The following PKIA variants were observed in gnomAD, a reference collection of about 807,000 sequenced individuals.
PKIA encodes the protein PKI-alpha.
Under a neutral mutation model 7.6 loss-of-function variants are expected in PKIA, and 4 were observed. The ratio of observed to expected loss-of-function variants is 0.52; its 90% CI spans 0.26 to 1.20. The LOEUF (loss-of-function observed/expected upper bound fraction) is 1.20, where lower values mean the gene tolerates loss of function less well. Ranked by LOEUF, PKIA falls within the 50% of genes most tolerant of loss-of-function variation. The pLI is 0.13. For synonymous variants in PKIA, 21 were observed against 30.7 expected (o/e 0.68, Z 1.04); for missense variants, 73 against 86.2 (o/e 0.85, Z 0.61).
At chr8:78,538,293 C>G (rs566814410) in intron 1 of PKIA, among the ~76,000 whole-genome samples, 44 of 152,160 alleles carry the variant, frequency 2.9e-4, no homozygotes, top group African/African-American at 1.0e-3. Context: ...AACAACAACC[C>G]ACCTTATTTC....
At chr8:78,520,275 A>C (rs770924507) in intron 1 of PKIA, among the ~76,000 whole-genome samples, 3 of 152,224 alleles carry the variant, frequency 2.0e-5, no homozygotes, top group Non-Finnish European at 4.4e-5. Context: ...CTGAGAGTAC[A>C]TTCAAATCAT....
chr8:78,586,163 C>T (rs1408577786), intron 2 of PKIA, among the ~76,000 whole-genome samples: 1 of 152,116 alleles, frequency 6.6e-6, no homozygotes, highest in South Asian at 2.1e-4. Context: ...TCATTATGAG[C>T]AGGGCCATTT....
chr8:78,546,418 T>C (rs965486885), intron 1 of PKIA, among the ~76,000 whole-genome samples: 37 of 152,222 alleles, frequency 2.4e-4, no homozygotes, highest in Admixed American at 6.5e-4. Flanking sequence ...TGGCATTTTT[T>C]GTTTCATGTA....
At chr8:78,529,238 C>CT (rs1806333789) in intron 1 of PKIA, among the ~76,000 whole-genome samples, 2 of 152,002 alleles carry the variant, frequency 1.3e-5, no homozygotes, top group Non-Finnish European at 2.9e-5. Context: ...CTGCTACTTC[C>CT]TTTTTTTGCA....
intron 1 of PKIA, among the ~76,000 whole-genome samples, chr8:78,551,392 C>T (rs944734235): frequency 2.0e-5 from 3 of 151,976 alleles, no homozygotes; most frequent in African/African-American, 7.2e-5. Context: ...AAAAGTATTA[C>T]AGGCTCCACT....
intron 2 of PKIA, among the ~76,000 whole-genome samples, chr8:78,580,993 G>A (rs34260348): frequency 0.18 from 27,289 of 151,932 alleles, 2,865 homozygotes; most frequent in African/African-American, 0.29. Context: ...CATAAATCCC[G>A]TAGCTCAGTC....
intron 2 of PKIA, among the ~76,000 whole-genome samples, chr8:78,582,177 T>G (rs1300489570): frequency 6.6e-6 from 1 of 151,872 alleles, no homozygotes; most frequent in Non-Finnish European, 1.5e-5. Flanking sequence ...TTTCGTGTTT[T>G]TTTTTTTTTT....
chr8:78,556,692 T>C (rs1366279349), intron 1 of PKIA: 1 of 152,168 alleles, frequency 6.6e-6, no homozygotes, highest in African/African-American at 2.4e-5. Flanking sequence ...GAACTTTGTT[T>C]GAGTTTTACA....
intron 1 of PKIA, among the ~76,000 whole-genome samples, chr8:78,521,591 CT>C (rs150930015): frequency 6.6e-6 from 1 of 151,686 alleles, no homozygotes; most frequent in African/African-American, 2.4e-5. Flanking sequence ...TCCCAAATAC[CT>C]TTTTTTGTAC....
At chr8:78,595,332 T>C (rs948741397) in intron 2 of PKIA, among the ~76,000 whole-genome samples, 6 of 152,002 alleles carry the variant, frequency 3.9e-5, no homozygotes, top group African/African-American at 1.4e-4. Flanking sequence ...GTTCATTGAG[T>C]ATAAGAGGAA....
chr8:78,538,227 G>T (rs1349475515), intron 1 of PKIA, among the ~76,000 whole-genome samples: 1 of 151,952 alleles, frequency 6.6e-6, no homozygotes, highest in Admixed American at 6.6e-5. Flanking sequence ...GCTATTTCTG[G>T]CATCAAAAGC....
At chr8:78,575,196 T>G (rs990457587) in intron 2 of PKIA, among the ~76,000 whole-genome samples, 1 of 152,024 alleles carries the variant, frequency 6.6e-6, no homozygotes, top group South Asian at 2.1e-4. Flanking sequence ...AATAAACTCT[T>G]GCAAACACAC....
chr8:78,602,714 T>TATATATATATATATA lies in PKIA; in HGVS notation c.*893_*894insATATATATATATATA, dbSNP rs1563597495. 3 of 147,982 alleles carry TATATATATATATATA rather than the reference T, an allele frequency of 2.0e-5. No individual in the cohort carries two copies. The highest frequency in any genetic ancestry group is 3.0e-5 in the Non-Finnish European group (2 of 67,114). The allele number at this position is 147,982 out of a possible 1,614,324, so 9.2% of individuals were successfully genotyped here. On this transcript the variant is annotated 3_prime_UTR_variant, in exon 4 of 4. Transcript: ENST00000396418. ...CACATAATATATATATATATATATA[T>TATATATATATATATA]TTTAATTTATGAGAATTTTGGACAA...
chr8:78,568,341 C>T (rs1359104819), intron 1 of PKIA, among the ~76,000 whole-genome samples: 1 of 152,076 alleles, frequency 6.6e-6, no homozygotes, highest in Non-Finnish European at 1.5e-5. Flanking sequence ...ATCGTAATAA[C>T]CTTGTGAACC....
chr8:78,593,749 G>A (rs1261745557), intron 2 of PKIA, among the ~76,000 whole-genome samples: 1 of 146,844 alleles, frequency 6.8e-6, no homozygotes, highest in African/African-American at 2.7e-5. Context: ...GCAGACTTAA[G>A]TTCCAAGTAC....
At chr8:78,598,060 T>C (rs903820791) in intron 2 of PKIA, among the ~76,000 whole-genome samples, 1 of 148,272 alleles carries the variant, frequency 6.7e-6, no homozygotes, top group Non-Finnish European at 1.5e-5. Flanking sequence ...TAAAAATACA[T>C]AATAATATGT....
At chr8:78,524,196 T>TG (rs1809495202) in intron 1 of PKIA, among the ~76,000 whole-genome samples, 3 of 126,418 alleles carry the variant, frequency 2.4e-5, no homozygotes, top group African/African-American at 1.1e-4. Flanking sequence ...ATATAAACAT[T>TG]TATATTTATA....
At chr8:78,591,301 A>G (rs1228430755) in intron 2 of PKIA, 1 of 152,654 alleles carries the variant, frequency 6.6e-6, no homozygotes, top group African/African-American at 2.4e-5. Flanking sequence ...CATGCTTTTC[A>G]TAGCCTCTTG....
chr8:78,591,297 TTTCATAGCC>T (rs772890905), intron 2 of PKIA: 1 of 152,662 alleles, frequency 6.6e-6, no homozygotes, highest in Non-Finnish European at 1.5e-5. Flanking sequence ...AGTACATGCT[TTTCATAGCC>T]TCTTGAAATC....
Sources: gnomAD v4.1 joint callset for allele counts (sites outside exome capture counted in the v4.1 genomes callset) on GRCh38, gnomAD v4.1.1 for gene constraint, MANE v1.5 for transcripts, NCBI Gene and HGNC (gene_info 2026-07-23, HGNC 2026-07-21) for gene names.